Variants in PLEKHA5 observed in about 807,000 individuals in gnomAD.
PLEKHA5 encodes pleckstrin homology domain containing A5.
In PLEKHA5, 55 loss-of-function variants were observed where a neutral mutation model predicts 181.9. The observed-to-expected ratio is 0.30, with a 90% CI of 0.24 to 0.38. The LOEUF is 0.38. Ranked by LOEUF, PLEKHA5 falls within the 10% of genes least tolerant of loss-of-function variation. The probability of loss-of-function intolerance (pLI) is 1.00; values close to 1 mark genes in which losing one functional copy is unlikely to be tolerated. For synonymous variants in PLEKHA5, 535 were observed against 529.4 expected (o/e 1.01, Z -0.15); for missense variants, 1,432 against 1,549.5 (o/e 0.92, Z 1.27).
At chr12:19,214,322 A>G (rs1241549256) in intron 3 of PLEKHA5, among the ~76,000 whole-genome samples, 1 of 152,220 alleles carries the variant, frequency 6.6e-6, no homozygotes, top group Admixed American at 6.5e-5. Flanking sequence ...TTGTCAGTTA[A>G]AGAGACATCA....
Position 19,173,005 on chromosome 12 carries a change from C to CTTTTTTTTTTTTTTTTTTTT in PLEKHA5, c.227+40565_227+40584dup, listed in dbSNP as rs71064064. 1.2e-4 allele frequency among the ~76,000 whole-genome samples: 4 copies of CTTTTTTTTTTTTTTTTTTTT among 33,544 alleles called. 2 individuals are homozygous for CTTTTTTTTTTTTTTTTTTTT. Among genetic ancestry groups the CTTTTTTTTTTTTTTTTTTTT allele is most frequent in the Non-Finnish European group, 2.1e-4 (4 of 19,202 alleles). 22.0% of individuals were successfully genotyped at this position (33,544 alleles called of 152,430 possible). On this transcript the variant is annotated intron_variant, in intron 3 of 31. Transcript: ENST00000429027. ...AGAAAATTGCTACTGATTTCCCTTT[C>CTTTTTTTTTTTTTTTTTTTT]TTTTTTTTTTTTTTTTTTTTTTTTT... is the stretch of plus-strand genomic sequence containing the variant.
rs2095248786 is a variant in PLEKHA5, at chr12:19,361,697, T to C, written c.3599T>C (p.Val1200Ala). 6.3e-7 allele frequency: 1 copy of C among 1,594,126 alleles called. No individual in the cohort carries two copies. Among genetic ancestry groups the C allele is most frequent in the Non-Finnish European group, 8.5e-7 (1 of 1,170,244 alleles). The change falls in exon 29 of 32, where the codon GTT becomes GCT. Residue 1200 changes from valine to alanine, a missense_variant. Val to Ala is a moderately conservative substitution (Grantham distance 64). Around this residue, in one of 2 missense-constraint regions of PLEKHA5, gnomAD observed 1,143 missense variants for 1,168.4 expected, o/e 0.98. Transcript: ENST00000429027. Reference protein sequence around the residue: ...ERNKDKMPEDVTFSPQDETQT... With the variant: ...ERNKDKMPEDATFSPQDETQT... Reference sequence around the variant, plus strand: ...AACAAAGACAAAATGCCTGAGGATGTTACATTCAGGTAATATTTAAGAAAA... The same window carrying C: ...AACAAAGACAAAATGCCTGAGGATGCTACATTCAGGTAATATTTAAGAAAA...
intron 24 of PLEKHA5, among the ~76,000 whole-genome samples, chr12:19,347,924 C>T (rs1183417398): frequency 6.7e-6 from 1 of 148,880 alleles, no homozygotes; most frequent in African/African-American, 2.5e-5. Context: ...TCACTCTTTC[C>T]CAGGCTGGAG....
chr12:19,289,984 C>G (rs1426664279), intron 13 of PLEKHA5, among the ~76,000 whole-genome samples: 1 of 151,476 alleles, frequency 6.6e-6, no homozygotes, highest in East Asian at 1.9e-4. Context: ...GCCGTGTCGC[C>G]CAGGTTGGAA....
chr12:19,185,669 A>AT (rs1198647914), intron 3 of PLEKHA5, among the ~76,000 whole-genome samples: 2 of 152,116 alleles, frequency 1.3e-5, no homozygotes, highest in African/African-American at 4.8e-5. Flanking sequence ...TTTGAATTGG[A>AT]TTTTCTGTTA....
intron 20 of PLEKHA5, among the ~76,000 whole-genome samples, chr12:19,335,735 G>A (rs922840299): frequency 2.5e-4 from 38 of 151,832 alleles, no homozygotes; most frequent in African/African-American, 8.5e-4. Flanking sequence ...AGGTTCAAGC[G>A]ATTCTCCCTC....
intron 3 of PLEKHA5, among the ~76,000 whole-genome samples, chr12:19,136,573 T>A (rs534698127): frequency 6.6e-6 from 1 of 152,168 alleles, no homozygotes; most frequent in Admixed American, 6.5e-5. Flanking sequence ...TTAAAATGGA[T>A]GTGTCATTTA....
chr12:19,186,251 CTGTT>C (rs765689213), intron 3 of PLEKHA5, among the ~76,000 whole-genome samples: 1 of 152,176 alleles, frequency 6.6e-6, no homozygotes, highest in Non-Finnish European at 1.5e-5. Flanking sequence ...ATTCAATAAA[CTGTT>C]TGATGGGTGG....
chr12:19,362,594 A>G (rs1401965790), intron 29 of PLEKHA5, among the ~76,000 whole-genome samples: 1 of 152,064 alleles, frequency 6.6e-6, no homozygotes, highest in Non-Finnish European at 1.5e-5. Flanking sequence ...CTTAGCACCT[A>G]GGAAGTATTC....
intron 3 of PLEKHA5, among the ~76,000 whole-genome samples, chr12:19,161,029 C>CT (rs1284374953): frequency 6.6e-6 from 1 of 152,074 alleles, no homozygotes; most frequent in East Asian, 1.9e-4. Context: ...GTCTTTTAAT[C>CT]TTTTATTGAA....
intron 31 of PLEKHA5, among the ~76,000 whole-genome samples, chr12:19,374,913 C>T (rs1473615423): frequency 2.0e-5 from 3 of 151,960 alleles, no homozygotes; most frequent in Non-Finnish European, 2.9e-5. Context: ...TGAGATCGTG[C>T]CACTGCACTC....
chr12:19,235,507 A>T (rs1314626237), intron 3 of PLEKHA5, among the ~76,000 whole-genome samples: 1 of 152,214 alleles, frequency 6.6e-6, no homozygotes, highest in East Asian at 1.9e-4. Context: ...CAATGTGGTA[A>T]GCACTGTTCT....
intron 29 of PLEKHA5, among the ~76,000 whole-genome samples, chr12:19,365,394 T>C (rs903349118): frequency 1.3e-5 from 2 of 151,920 alleles, no homozygotes; most frequent in African/African-American, 4.8e-5. Flanking sequence ...CTTATAACTT[T>C]ATAGAAAATC....
At chr12:19,143,475 G>A (rs1436970606) in intron 3 of PLEKHA5, among the ~76,000 whole-genome samples, 1 of 151,906 alleles carries the variant, frequency 6.6e-6, no homozygotes, top group Non-Finnish European at 1.5e-5. Context: ...GTATAAAGAT[G>A]GAGAAAATAA....
At chr12:19,296,239 G>GAA (rs148595579) in intron 15 of PLEKHA5, among the ~76,000 whole-genome samples, 1 of 125,648 alleles carries the variant, frequency 8.0e-6, no homozygotes. Flanking sequence ...GACTCCGTCT[G>GAA]AAAAAAAAAA....
intron 15 of PLEKHA5, among the ~76,000 whole-genome samples, chr12:19,308,149 A>G (rs1382600763): frequency 1.3e-5 from 2 of 152,058 alleles, no homozygotes; most frequent in East Asian, 1.9e-4. Flanking sequence ...AAACAAAGAA[A>G]CGTTCTGTGG....
At chr12:19,360,577 G>T (rs1011236245) in intron 28 of PLEKHA5, among the ~76,000 whole-genome samples, 3 of 150,940 alleles carry the variant, frequency 2.0e-5, no homozygotes, top group Non-Finnish European at 4.4e-5. Context: ...CTACCCTGCA[G>T]CCTGGAGGAC....
chr12:19,298,248 T>C (rs911421206), intron 15 of PLEKHA5, among the ~76,000 whole-genome samples: 3 of 151,974 alleles, frequency 2.0e-5, no homozygotes, highest in Non-Finnish European at 4.4e-5. Context: ...GAGAAAATCC[T>C]TGAGCAGGAT....
chr12:19,170,080 T>C (rs1432200402), intron 3 of PLEKHA5, among the ~76,000 whole-genome samples: 1 of 152,206 alleles, frequency 6.6e-6, no homozygotes, highest in Admixed American at 6.5e-5. Flanking sequence ...TAGCCCTGAG[T>C]TAACCATTTT....
Sources: allele counts gnomAD v4.1 joint callset (sites outside exome capture counted in the v4.1 genomes callset), GRCh38; gene constraint gnomAD v4.1.1; regional missense constraint gnomAD v4.1.1; transcripts MANE v1.5; gene names NCBI Gene and HGNC (gene_info 2026-07-23, HGNC 2026-07-21).